The following DYNC2I1 variants were observed in gnomAD, a reference collection of about 807,000 sequenced individuals.
DYNC2I1 encodes the protein cytoplasmic dynein 2 intermediate chain 1.
In DYNC2I1, 89 loss-of-function variants were observed where a neutral mutation model predicts 133.4. The ratio of observed to expected loss-of-function variants is 0.67; its 90% CI spans 0.56 to 0.80. DYNC2I1 has a LOEUF of 0.80. DYNC2I1 is among the 30% of genes least tolerant of loss of function. The pLI, the probability that DYNC2I1 is intolerant of heterozygous loss-of-function variation, is 0.00. For missense variants in DYNC2I1, 1,291 were observed against 1,314.5 expected, an observed-to-expected ratio of 0.98 and a Z score of 0.28; for synonymous variants, 504 against 484.3, an observed-to-expected ratio of 1.04 and a Z score of -0.54.
chr7:158,902,889 T>A, intron 10 of DYNC2I1: 1 of 342,604 alleles, frequency 2.9e-6, no homozygotes, highest in Non-Finnish European at 5.3e-6. Flanking sequence ...GCACTGATGC[T>A]CCTGTTCTCC....
chr7:158,867,925 C>T (rs1842549011), intron 1 of DYNC2I1, among the ~76,000 whole-genome samples: 1 of 152,102 alleles, frequency 6.6e-6, no homozygotes, highest in African/African-American at 2.4e-5. Context: ...GCGGCTTGAG[C>T]TGAGGAGTTT....
chr7:158,940,202 G>A (rs1047653372), intron 23 of DYNC2I1, among the ~76,000 whole-genome samples: 3 of 152,138 alleles, frequency 2.0e-5, no homozygotes, highest in Admixed American at 6.6e-5. Context: ...CCCAGAACTG[G>A]GGATTTGGGG....
downstream of DYNC2I1, among the ~76,000 whole-genome samples, chr7:158,957,753 G>A (rs546083293): frequency 6.6e-6 from 1 of 152,290 alleles, no homozygotes; most frequent in Non-Finnish European, 1.5e-5. Context: ...CGGCACTCGT[G>A]AGGTCCACCG....
In DYNC2I1 at chr7:158,946,083, G is replaced by A. The variant is rs1851856819; in HGVS notation, c.*304G>A. 4.6e-6 allele frequency: 1 copy of A among 218,132 alleles called. No individual in the cohort carries two copies. Among genetic ancestry groups the A allele is most frequent in the Admixed American group, 5.4e-5 (1 of 18,590 alleles). 13.5% of individuals were successfully genotyped at this position (218,132 alleles called of 1,614,324 possible). The stretch of plus-strand genomic sequence containing the variant: ...ACAGTTTAAATATTGTCACATTACT[G>A]CTAGATTTTAAACAGCCTACCATGA... On this transcript the variant is annotated 3_prime_UTR_variant, in exon 25 of 25. Coordinates refer to ENST00000407559, the MANE Select transcript of DYNC2I1 (RefSeq NM_018051.5).
At chr7:158,864,261 G>A (rs1246679158) in intron 1 of DYNC2I1, among the ~76,000 whole-genome samples, 1 of 152,098 alleles carries the variant, frequency 6.6e-6, no homozygotes, top group East Asian at 1.9e-4. Context: ...TCAGTGTCAT[G>A]CAGGGAACAG....
chr7:158,888,036 T>G (rs1322514751), intron 7 of DYNC2I1, among the ~76,000 whole-genome samples: 2 of 147,340 alleles, frequency 1.4e-5, no homozygotes, highest in African/African-American at 5.0e-5. Flanking sequence ...TTTTTTTTTT[T>G]TTTTTTTGAG....
At chr7:158,877,572 G>A (rs1584999880) in intron 4 of DYNC2I1, among the ~76,000 whole-genome samples, 1 of 152,234 alleles carries the variant, frequency 6.6e-6, no homozygotes, top group East Asian at 1.9e-4. Context: ...GCAGGAGCTG[G>A]GCATCATCTT....
Position 158,872,955 on chromosome 7 carries a change from C to T in DYNC2I1, c.490+1393C>T, listed in dbSNP as rs576951685. On this transcript the variant is annotated intron_variant, in intron 3 of 24. Transcript: ENST00000407559. ...GCAATGAGCTGAGATCACGCCACTA[C>T]ACTCCAGCCTGGGTGACAGAGCGAG... is the stretch of plus-strand genomic sequence containing the variant. Among the ~76,000 whole-genome samples the T allele has an allele frequency of 5.9e-5, 9 of 151,630 alleles. No homozygotes were observed. In the South Asian group the frequency reaches 1.5e-3, roughly 25 times the overall value.
downstream of DYNC2I1, among the ~76,000 whole-genome samples, chr7:158,949,967 C>A: frequency 6.6e-6 from 1 of 151,942 alleles, no homozygotes; most frequent in Non-Finnish European, 1.5e-5. Context: ...GATGGGGTTT[C>A]TCCATGTTGA....
intron 11 of DYNC2I1, among the ~76,000 whole-genome samples, chr7:158,910,403 CCT>C: frequency 1.1e-5 from 1 of 89,930 alleles, no homozygotes; most frequent in Middle Eastern, 6.0e-3. Context: ...CTGTGTCAGA[CCT>C]GTGGGAGCGC....
chr7:158,917,289 T>A (rs1848506361), intron 14 of DYNC2I1, among the ~76,000 whole-genome samples: 2 of 120,782 alleles, frequency 1.7e-5, no homozygotes, highest in Admixed American at 1.5e-4. Flanking sequence ...ACATGCTGGT[T>A]GAAATTAAGG....
At chr7:158,944,236 G>A (rs1009620814) in intron 24 of DYNC2I1, among the ~76,000 whole-genome samples, 1 of 152,092 alleles carries the variant, frequency 6.6e-6, no homozygotes, top group Non-Finnish European at 1.5e-5. Context: ...GCCTTGTGGT[G>A]GCTCAGTGTT....
At chr7:158,930,059 A>G (rs544984618) in intron 20 of DYNC2I1, among the ~76,000 whole-genome samples, 1 of 152,270 alleles carries the variant, frequency 6.6e-6, no homozygotes, top group East Asian at 1.9e-4. Flanking sequence ...GAGGTCCTGC[A>G]AGTTTCCTGT....
intron 14 of DYNC2I1, among the ~76,000 whole-genome samples, chr7:158,916,234 A>T (rs1848259717): frequency 1.2e-5 from 1 of 82,450 alleles, no homozygotes; most frequent in Non-Finnish European, 3.0e-5. Context: ...GTTGACATTA[A>T]GGATGATTGT....
In DYNC2I1 at chr7:158,917,666, GCCCTCCACACTCCACCCTCCA is replaced by G. The variant is rs1447920587; in HGVS notation, c.1792-1071_1792-1051del. Among the ~76,000 whole-genome samples, 47 of 126,182 alleles carry G rather than the reference GCCCTCCACACTCCACCCTCCA, an allele frequency of 3.7e-4. 5 individuals are homozygous for G. The highest frequency in any genetic ancestry group is 1.3e-3 in the African/African-American group (40 of 31,396). 82.8% of individuals were successfully genotyped at this position (126,182 alleles called of 152,430 possible). A position where few individuals can be genotyped will look rare whatever the true frequency, so the allele number is the denominator to read the frequency against. ...CTCCGCCTCTCGCTAAACACCCCCTGCCCTCCACACTCCACCCTCCACCTCTCACTAAACACCCCCTGCCCT... is the reference window on the plus strand; with the variant it reads ...CTCCGCCTCTCGCTAAACACCCCCTGCCTCTCACTAAACACCCCCTGCCCT... On this transcript the variant is annotated intron_variant, in intron 14 of 24. Transcript: ENST00000407559.
intron 1 of DYNC2I1, among the ~76,000 whole-genome samples, chr7:158,859,159 C>T (rs1486062620): frequency 6.7e-6 from 1 of 150,192 alleles, no homozygotes; most frequent in Non-Finnish European, 1.5e-5. Flanking sequence ...CCATGCCTGG[C>T]CTGTCGCATA....
intron 14 of DYNC2I1, 92 bp from the exon 15 acceptor site, chr7:158,918,648 C>A: frequency 6.9e-7 from 1 of 1,449,612 alleles, no homozygotes; most frequent in South Asian, 1.2e-5. Context: ...CAGTTATTTG[C>A]AGATATGGAT....
At chr7:158,957,772 A>G (rs572184097), downstream of DYNC2I1, among the ~76,000 whole-genome samples, 4 of 152,326 alleles carry the variant, frequency 2.6e-5, no homozygotes, top group South Asian at 6.2e-4. Flanking sequence ...CGCCAACTCC[A>G]TAACAGCGCT....
chr7:158,870,919 G>A (rs1353231030), intron 2 of DYNC2I1, among the ~76,000 whole-genome samples: 2 of 152,104 alleles, frequency 1.3e-5, no homozygotes, highest in Non-Finnish European at 2.9e-5. Context: ...GGCGCTGGTG[G>A]GCAGTTGTAG....
Sources: gnomAD v4.1 joint callset for allele counts (sites outside exome capture counted in the v4.1 genomes callset) on GRCh38, gnomAD v4.1.1 for gene constraint, MANE v1.5 for transcripts, NCBI Gene and HGNC (gene_info 2026-07-23, HGNC 2026-07-21) for gene names.